The following SLC12A1 variants were observed in gnomAD, a reference collection of about 807,000 sequenced individuals.
The protein encoded by SLC12A1 is solute carrier family 12 member 1, also known as Na-K-2Cl cotransporter.
In SLC12A1, 89 loss-of-function variants were observed where a neutral mutation model predicts 130.4. That is an observed-to-expected ratio of 0.68 (90% CI 0.58 to 0.81). The LOEUF (loss-of-function observed/expected upper bound fraction) is 0.81, where lower values mean the gene tolerates loss of function less well. Among genes scored for constraint, SLC12A1 ranks in the 40% least tolerant of loss-of-function variants. The pLI is 0.00. For missense variants in SLC12A1, 1,310 were observed against 1,336.4 expected, an observed-to-expected ratio of 0.98 and a Z score of 0.31; for synonymous variants, 499 against 460.0, an observed-to-expected ratio of 1.08 and a Z score of -1.09.
Position 48,207,930 on chromosome 15 carries a change from G to A in SLC12A1, c.211G>A (p.Asp71Asn). 1 of 1,614,022 alleles carries A rather than the reference G, an allele frequency of 6.2e-7. No homozygotes were observed. The highest frequency in any genetic ancestry group is 1.7e-5 in the Admixed American group (1 of 60,024). ...SFRPGNQECY[D>N]NFLQSGETAK... ...TAGGCCTGGGAATCAGGAGTGCTAT[G>A]ACAATTTCCTCCAAAGTGGAGAAAC... is the stretch of plus-strand genomic sequence containing the variant. The change falls in exon 2 of 27, where the codon GAC becomes AAC. Residue 71 changes from aspartate to asparagine, a missense_variant. By Grantham distance (23) the Asp-to-Asn change is conservative (BLOSUM62 1). Coordinates refer to ENST00000380993, the MANE Select transcript of SLC12A1 (RefSeq NM_000338.3).
intron 24 of SLC12A1, among the ~76,000 whole-genome samples, chr15:48,294,857 T>A (rs777317799): frequency 5.3e-5 from 8 of 151,842 alleles, no homozygotes; most frequent in African/African-American, 7.3e-5. Context: ...CTATAAGCCC[T>A]AGCTTAATGC....
At chr15:48,269,016 C>A (rs1008086696) in intron 18 of SLC12A1, among the ~76,000 whole-genome samples, 5 of 151,978 alleles carry the variant, frequency 3.3e-5, no homozygotes, top group Admixed American at 6.6e-5. Flanking sequence ...AGAACCATGG[C>A]AAAAGGACAA....
chr15:48,231,686 C>T (rs2041380903), intron 7 of SLC12A1, among the ~76,000 whole-genome samples: 1 of 152,146 alleles, frequency 6.6e-6, no homozygotes, highest in Non-Finnish European at 1.5e-5. Flanking sequence ...AAATCTGCAA[C>T]TGCTCTATTG....
intron 4 of SLC12A1, chr15:48,224,635 T>C (rs984689498): frequency 2.7e-5 from 4 of 146,280 alleles, no homozygotes; most frequent in African/African-American, 1.0e-4. Context: ...GTCAGGCTGA[T>C]AAGCATCCAA....
In SLC12A1 at chr15:48,232,882, T is replaced by C. The variant is rs544379433; in HGVS notation, c.1087+44T>C. 7.8e-6 allele frequency: 9 copies of C among 1,160,966 alleles called. No homozygotes were observed. The East Asian group carries it at 1.9e-4, about 24-fold the overall frequency. The allele number at this position is 1,160,966 out of a possible 1,614,324, so 71.9% of individuals were successfully genotyped here. ...TTGCTTTTCATTAAATACTTCTCCA[T>C]TGCCCTCCTCATCACCATCCCCATC... On this transcript the variant is annotated intron_variant, in intron 8 of 26. Transcript: ENST00000380993.
At position 48,267,700 on chromosome 15, in the gene SLC12A1, A is replaced by G. The variant is rs536897804; in HGVS notation, c.2294A>G (p.Gln765Arg). Residue 765 changes from glutamine to arginine, a missense_variant and splice_region_variant, in exon 18 of 27, where the codon CAG (glutamine) becomes CGG (arginine). Gln to Arg is a conservative substitution (Grantham distance 43). Transcript: ENST00000380993. ...AGGGATGGTGTCCGAAGTCTTCTTC[A>G]GGTAAGGCTGCATTGAGGGAATGAG... ...CFRDGVRSLL[Q>R]ASGLGRMKPN... The G allele has an allele frequency of 6.2e-7, 1 of 1,613,206 alleles. No individual in the cohort carries two copies. Among genetic ancestry groups the G allele is most frequent in the African/African-American group, 1.3e-5 (1 of 75,008 alleles).
chr15:48,249,090 T>C (rs1255038770), intron 13 of SLC12A1, among the ~76,000 whole-genome samples: 1 of 152,100 alleles, frequency 6.6e-6, no homozygotes, highest in Non-Finnish European at 1.5e-5. Context: ...GGTAGAACTC[T>C]CTAGAGATGT....
At chr15:48,265,904 T>C (rs997882694) in intron 17 of SLC12A1, among the ~76,000 whole-genome samples, 12 of 152,220 alleles carry the variant, frequency 7.9e-5, no homozygotes, top group Admixed American at 7.2e-4. Flanking sequence ...AAGTTATTTT[T>C]AATAATATTG....
intron 20 of SLC12A1, among the ~76,000 whole-genome samples, chr15:48,283,718 G>A (rs1349983332): frequency 6.6e-6 from 1 of 152,204 alleles, no homozygotes; most frequent in African/African-American, 2.4e-5. Context: ...GGCTCCAAGG[G>A]TTGACATTTA....
intron 15 of SLC12A1, among the ~76,000 whole-genome samples, 172 bp downstream of exon 15, chr15:48,251,942 C>T (rs1350188497): frequency 6.6e-6 from 1 of 152,158 alleles, no homozygotes; most frequent in Non-Finnish European, 1.5e-5. Flanking sequence ...CAGTGGCTCA[C>T]ACCTGTAATC....
At chr15:48,263,431 T>G (rs1802190510) in intron 17 of SLC12A1, among the ~76,000 whole-genome samples, 1 of 152,118 alleles carries the variant, frequency 6.6e-6, no homozygotes, top group African/African-American at 2.4e-5. Flanking sequence ...TTTAAAAAGA[T>G]TGATTCTGTT....
chr15:48,281,113 T>G (rs2042005070), intron 20 of SLC12A1, among the ~76,000 whole-genome samples: 1 of 152,210 alleles, frequency 6.6e-6, no homozygotes, highest in Non-Finnish European at 1.5e-5. Flanking sequence ...GACCTGGGTT[T>G]GGATCCCAAA....
Position 48,251,745 on chromosome 15 carries a change from C to A in SLC12A1, c.1917C>A (p.Tyr639Ter). The change falls in exon 15 of 27, where the codon TAC (tyrosine) becomes TAA (stop). Residue 639 changes from tyrosine to a stop codon, truncating the protein, a stop_gained. Coordinates refer to ENST00000380993, the MANE Select transcript of SLC12A1 (RefSeq NM_000338.3). LOFTEE classifies it high-confidence loss of function. Reference protein sequence around the residue: ...VITYVIEFFLYVYVTCKKPDV... With the variant: ...VITYVIEFFL ...CCTATGTCATTGAATTCTTCCTTTACGTCTATGTGACTTGTAAGAAGCCAG... is the reference window on the plus strand; with the variant it reads ...CCTATGTCATTGAATTCTTCCTTTAAGTCTATGTGACTTGTAAGAAGCCAG... 1 of 1,613,866 alleles carries A rather than the reference C, an allele frequency of 6.2e-7. No homozygotes were observed. The highest frequency in any genetic ancestry group is 8.5e-7 in the Non-Finnish European group (1 of 1,179,818).
Position 48,267,615 on chromosome 15 carries a change from G to T in SLC12A1, c.2209G>T (p.Ala737Ser). Residue 737 changes from alanine (A) to serine (S), a missense_variant, in exon 18 of 27, where the codon GCC (alanine) becomes TCC (serine). By Grantham distance (99) the Ala-to-Ser change is moderately conservative. Transcript: ENST00000380993. Reference sequence around the variant, plus strand: ...GAACAGTGGCATGGCGAAAAAACAGGCCTGGCTTATAAAGAACAAAATCAA... The same window carrying T: ...GAACAGTGGCATGGCGAAAAAACAGTCCTGGCTTATAAAGAACAAAATCAA... ...EMNSGMAKKQ[A>S]WLIKNKIKAF... 3 of 1,613,640 alleles carry T rather than the reference G, an allele frequency of 1.9e-6. No homozygotes were observed. Among genetic ancestry groups the T allele is most frequent in the Non-Finnish European group, 1.7e-6 (2 of 1,179,638 alleles).
chr15:48,222,416 T>C (rs79488081), intron 4 of SLC12A1: 2 of 152,246 alleles, frequency 1.3e-5, no homozygotes, highest in East Asian at 3.9e-4. Context: ...GAATGAAGAA[T>C]CCTATCTTCT....
At chr15:48,209,951 T>C (rs1334700043) in intron 2 of SLC12A1, among the ~76,000 whole-genome samples, 2 of 152,236 alleles carry the variant, frequency 1.3e-5, no homozygotes, top group Non-Finnish European at 2.9e-5. Context: ...TCTGGCATAT[T>C]TGATGCTTTA....
intron 17 of SLC12A1, among the ~76,000 whole-genome samples, chr15:48,259,603 G>A (rs1671656445): frequency 6.6e-6 from 1 of 152,160 alleles, no homozygotes; most frequent in African/African-American, 2.4e-5. Context: ...GAAATAAAAT[G>A]AAGGCATTTG....
At chr15:48,232,479 T>C (rs893524747) in intron 7 of SLC12A1, among the ~76,000 whole-genome samples, 1 of 152,214 alleles carries the variant, frequency 6.6e-6, no homozygotes, top group African/African-American at 2.4e-5. Context: ...CTTAGAATGT[T>C]ACAGAAATGT....
intron 20 of SLC12A1, among the ~76,000 whole-genome samples, chr15:48,284,704 A>C (rs992970110): frequency 3.3e-5 from 5 of 152,150 alleles, no homozygotes; most frequent in African/African-American, 1.2e-4. Context: ...CAGTGGCATG[A>C]TCATGGCTCA....
Sources: gnomAD v4.1 joint callset for allele counts (sites outside exome capture counted in the v4.1 genomes callset) on GRCh38, gnomAD v4.1.1 for gene constraint, MANE v1.5 for transcripts, NCBI Gene and HGNC (gene_info 2026-07-23, HGNC 2026-07-21) for gene names.